Variants in ZNF385B observed in about 807,000 individuals in gnomAD.
The protein encoded by ZNF385B is zinc finger protein 533.
A neutral mutation model predicts 39.2 loss-of-function variants in ZNF385B; 23 were observed. The ratio of observed to expected loss-of-function variants is 0.59; its 90% confidence interval spans 0.42 to 0.83. The LOEUF (loss-of-function observed/expected upper bound fraction) is 0.83. ZNF385B is among the 40% of genes least tolerant of loss of function. The probability of loss-of-function intolerance (pLI) is 0.00; values close to 1 mark genes in which losing one functional copy is unlikely to be tolerated. For synonymous variants in ZNF385B, 205 were observed against 222.6 expected (o/e 0.92, Z 0.70); for missense variants, 552 against 598.9 (o/e 0.92, Z 0.82).
intron 3 of ZNF385B, among the ~76,000 whole-genome samples, chr2:179,728,420 T>C (rs1180374196): frequency 6.6e-6 from 1 of 152,106 alleles, no homozygotes; most frequent in Non-Finnish European, 1.5e-5. Context: ...CGTGACTTAC[T>C]GAAGGTATCA....
At chr2:179,574,047 C>T (rs1685532599) in intron 3 of ZNF385B, among the ~76,000 whole-genome samples, 1 of 152,120 alleles carries the variant, frequency 6.6e-6, no homozygotes, top group Admixed American at 6.6e-5. Flanking sequence ...CAAAATCACT[C>T]CTTTACTATA....
intron 3 of ZNF385B, among the ~76,000 whole-genome samples, chr2:179,586,763 G>T (rs1483477895): frequency 3.3e-5 from 5 of 152,218 alleles, no homozygotes. Context: ...TATTGGCTGG[G>T]CATGGTGGCT....
intron 6 of ZNF385B, among the ~76,000 whole-genome samples, chr2:179,462,615 C>G (rs2051467835): frequency 6.6e-6 from 1 of 151,640 alleles, no homozygotes; most frequent in Non-Finnish European, 1.5e-5. Flanking sequence ...GCAAGATGAA[C>G]AAATGAATTC....
At chr2:179,563,395 A>G (rs1196321175) in intron 3 of ZNF385B, among the ~76,000 whole-genome samples, 2 of 152,204 alleles carry the variant, frequency 1.3e-5, no homozygotes, top group African/African-American at 4.8e-5. Context: ...GAAACTTGAA[A>G]TGACTGATGC....
intron 1 of ZNF385B, among the ~76,000 whole-genome samples, chr2:179,826,029 G>C (rs559644846): frequency 7.9e-5 from 12 of 151,964 alleles, no homozygotes; most frequent in Non-Finnish European, 1.6e-4. Context: ...CACCTCTTTT[G>C]TCCTCCTTTT....
intron 3 of ZNF385B, among the ~76,000 whole-genome samples, chr2:179,768,842 G>A (rs1356415846): frequency 1.3e-5 from 2 of 152,242 alleles, no homozygotes; most frequent in African/African-American, 4.8e-5. Context: ...ATTCAGGGCA[G>A]AGGCAGAAAT....
chr2:179,789,777 G>T (rs931649309), intron 1 of ZNF385B, among the ~76,000 whole-genome samples: 1 of 152,150 alleles, frequency 6.6e-6, no homozygotes, highest in Admixed American at 6.6e-5. Context: ...TTTGTAGCAT[G>T]TTGGGATAAT....
chr2:179,728,326 C>G (rs1352797300), intron 3 of ZNF385B, among the ~76,000 whole-genome samples: 1 of 152,062 alleles, frequency 6.6e-6, no homozygotes, highest in Non-Finnish European at 1.5e-5. Flanking sequence ...AATTTTCCAG[C>G]AAAAGTGGCT....
chr2:179,728,974 T>A (rs1019353989), intron 3 of ZNF385B, among the ~76,000 whole-genome samples: 1 of 152,046 alleles, frequency 6.6e-6, no homozygotes, highest in African/African-American at 2.4e-5. Flanking sequence ...AAGATTCAAG[T>A]AGATTATGCT....
At chr2:179,739,354 T>A (rs1314555401) in intron 3 of ZNF385B, among the ~76,000 whole-genome samples, 2 of 152,156 alleles carry the variant, frequency 1.3e-5, no homozygotes, top group Non-Finnish European at 2.9e-5. Context: ...ACCTCGGGGT[T>A]TATCGATTAT....
intron 6 of ZNF385B, among the ~76,000 whole-genome samples, chr2:179,478,467 T>C (rs982168347): frequency 2.0e-5 from 3 of 152,216 alleles, no homozygotes; most frequent in African/African-American, 4.8e-5. Flanking sequence ...TGAAAACATA[T>C]ATGTAACTGC....
chr2:179,846,026 T>TAATGACTG (rs1708781407), intron 1 of ZNF385B, among the ~76,000 whole-genome samples: 1 of 152,352 alleles, frequency 6.6e-6, no homozygotes, highest in African/African-American at 2.4e-5. Context: ...TTGCACATGG[T>TAATGACTG]AATGACTGAA....
chr2:179,850,511 A>G (rs140979094), intron 1 of ZNF385B, among the ~76,000 whole-genome samples: 72 of 152,302 alleles, frequency 4.7e-4, no homozygotes, highest in African/African-American at 1.7e-3. Flanking sequence ...GGAAAAATGA[A>G]TCTACTTCCT....
At chr2:179,688,490 A>AAACAAT (rs1698097783) in intron 3 of ZNF385B, among the ~76,000 whole-genome samples, 1 of 149,564 alleles carries the variant, frequency 6.7e-6, no homozygotes, top group African/African-American at 2.5e-5. Flanking sequence ...TCCCCCTGCA[A>AAACAAT]AACAACAACA....
intron 4 of ZNF385B, among the ~76,000 whole-genome samples, chr2:179,525,238 T>C (rs192418259): frequency 1.3e-5 from 2 of 152,350 alleles, no homozygotes; most frequent in East Asian, 1.9e-4. Context: ...CTGGAACTTC[T>C]GCAGTCTGGA....
chr2:179,683,288 G>A (rs920214306), intron 3 of ZNF385B, among the ~76,000 whole-genome samples: 1 of 151,870 alleles, frequency 6.6e-6, no homozygotes, highest in Non-Finnish European at 1.5e-5. Flanking sequence ...TACTCAGGAG[G>A]CTGAGGCACG....
At chr2:179,648,066 A>C (rs1023807849) in intron 3 of ZNF385B, among the ~76,000 whole-genome samples, 1 of 152,118 alleles carries the variant, frequency 6.6e-6, no homozygotes, top group African/African-American at 2.4e-5. Flanking sequence ...GGACAATGAA[A>C]GTATCCACAC....
At chr2:179,522,512 T>C (rs1256715350) in intron 4 of ZNF385B, among the ~76,000 whole-genome samples, 1 of 104,810 alleles carries the variant, frequency 9.5e-6, no homozygotes, top group Non-Finnish European at 2.0e-5. Context: ...TAACTCATTT[T>C]AGTACAGTCA....
At chr2:179,631,978 C>G (rs577002489) in intron 3 of ZNF385B, among the ~76,000 whole-genome samples, 8 of 152,148 alleles carry the variant, frequency 5.3e-5, no homozygotes, top group Non-Finnish European at 1.0e-4. Context: ...GGGATCAATT[C>G]AACAAGACGA....
Sources: allele counts gnomAD v4.1 joint callset (sites outside exome capture counted in the v4.1 genomes callset), GRCh38; gene constraint gnomAD v4.1.1; transcripts MANE v1.5; gene names NCBI Gene and HGNC (gene_info 2026-07-23, HGNC 2026-07-21).